TNPO1: variants seen among roughly 807,000 people sequenced by gnomAD.
The protein encoded by TNPO1 is transportin-1.
In TNPO1, 8 loss-of-function variants were observed where a neutral mutation model predicts 119.5. That is an observed-to-expected ratio of 0.07 (90% CI 0.04 to 0.12). The LOEUF (loss-of-function observed/expected upper bound fraction) is 0.12, where lower values mean the gene tolerates loss of function less well. TNPO1 is among the 10% of genes least tolerant of loss of function. The pLI is 1.00. For missense variants in TNPO1, 576 were observed against 1,089.8 expected (o/e 0.53, Z 6.64); for synonymous variants, 362 against 363.0 (o/e 1.00, Z 0.03).
chr5:72,907,766 G>C (rs1425246677), intron 24 of TNPO1, among the ~76,000 whole-genome samples: 1 of 152,124 alleles, frequency 6.6e-6, no homozygotes, highest in Admixed American at 6.6e-5. Context: ...AGTGTAGGCA[G>C]GGTGTGATGG....
At chr5:72,903,573 G>A (rs559520384) in intron 22 of TNPO1, 136 bp from the exon 23 acceptor site, 40 of 612,686 alleles carry the variant, frequency 6.5e-5, no homozygotes, top group Non-Finnish European at 1.0e-4. Context: ...AATTCCTTAT[G>A]ATCATAGTTA....
At chr5:72,860,388 A>G (rs1325030926) in intron 4 of TNPO1, among the ~76,000 whole-genome samples, 2 of 152,266 alleles carry the variant, frequency 1.3e-5, no homozygotes, top group Admixed American at 6.5e-5. Context: ...ATCACTAAGC[A>G]TATTATATCA....
At chr5:72,817,152 C>T (rs1351190317) in intron 1 of TNPO1, among the ~76,000 whole-genome samples, 2 of 152,220 alleles carry the variant, frequency 1.3e-5, no homozygotes, top group Non-Finnish European at 2.9e-5. Context: ...TGGTTCTGGG[C>T]GCTGGCCGGC....
At chr5:72,865,877 T>C (rs1746851336) in intron 6 of TNPO1, 148 bp downstream of exon 6, 1 of 863,938 alleles carries the variant, frequency 1.2e-6, no homozygotes, top group Non-Finnish European at 1.7e-6. Context: ...TGAAATTGAC[T>C]ACTTCAGTAA....
intron 5 of TNPO1, among the ~76,000 whole-genome samples, chr5:72,863,776 T>C (rs1746665296): frequency 6.7e-6 from 1 of 149,372 alleles, no homozygotes; most frequent in Admixed American, 6.7e-5. Context: ...AATACACTGA[T>C]AAGATTACAG....
chr5:72,907,626 C>T (rs1443815900), intron 24 of TNPO1, among the ~76,000 whole-genome samples: 3 of 152,134 alleles, frequency 2.0e-5, no homozygotes, highest in Non-Finnish European at 4.4e-5. Flanking sequence ...TCTTAATATC[C>T]TTTTTATCAT....
chr5:72,852,162 TAA>T (rs947425868), intron 3 of TNPO1, among the ~76,000 whole-genome samples: 37 of 152,226 alleles, frequency 2.4e-4, no homozygotes, highest in African/African-American at 8.7e-4. Flanking sequence ...AAAAAACTTC[TAA>T]AAGTCTACAT....
At chr5:72,890,011 T>G in intron 14 of TNPO1, 54 bp downstream of exon 14, 2 of 1,563,284 alleles carry the variant, frequency 1.3e-6, no homozygotes, top group Non-Finnish European at 1.7e-6. Flanking sequence ...TAGTTACAAT[T>G]AATAGATTAG....
chr5:72,896,472 A>G lies in TNPO1; in HGVS notation c.2158A>G (p.Ile720Val), dbSNP rs1359417630. The G allele has an allele frequency of 2.5e-6, 4 of 1,612,110 alleles. No individual in the cohort carries two copies. The highest frequency in any genetic ancestry group is 2.2e-5 in the East Asian group (1 of 44,826). ...TTTTTTTCTAGCTGATTTCATGCCA[A>G]TATTGGGAACCAACCTAAATCCAGA... ...VKPCIADFMP[I>V]LGTNLNPEFI... Residue 720 changes from isoleucine (I) to valine (V), a missense_variant, in exon 19 of 25, where the codon ATA becomes GTA. Ile to Val is a conservative substitution (Grantham distance 29, BLOSUM62 3). Around this residue, in one of 6 missense-constraint regions of TNPO1, gnomAD observed 162 missense variants for 294.1 expected, o/e 0.55. Transcript: ENST00000337273.
intron 9 of TNPO1, chr5:72,878,724 A>G (rs1338646928): frequency 1.3e-5 from 3 of 238,354 alleles, no homozygotes; most frequent in Non-Finnish European, 2.5e-5. Flanking sequence ...TTACTTTGTA[A>G]TGCCACTTTA....
At chr5:72,877,125 G>C (rs1747854134) in intron 8 of TNPO1, 103 bp from the exon 9 acceptor site, 1 of 546,736 alleles carries the variant, frequency 1.8e-6, no homozygotes, top group African/African-American at 2.0e-5. Context: ...AAATTGCCTA[G>C]GTTGAAAACC....
At chr5:72,881,255 C>T (rs1456175317) in intron 9 of TNPO1, among the ~76,000 whole-genome samples, 3 of 152,134 alleles carry the variant, frequency 2.0e-5, no homozygotes, top group African/African-American at 2.4e-5. Flanking sequence ...GGACTACAGG[C>T]GTGTGCCACC....
At chr5:72,861,402 G>T (rs1746437537) in intron 4 of TNPO1, among the ~76,000 whole-genome samples, 1 of 152,108 alleles carries the variant, frequency 6.6e-6, no homozygotes. Context: ...GGGTGTTGGT[G>T]GTGAGTGTTA....
Position 72,865,592 on chromosome 5 carries a change from A to G in TNPO1, c.463-4A>G. On this transcript the variant is annotated splice_region_variant and splice_polypyrimidine_tract_variant and intron_variant, in intron 5 of 24. Transcript: ENST00000337273. Reference sequence around the variant, plus strand: ...TTCTGATAATTTAAATGTGTCTCTTACAGGGAGCATTTGGTGCCCTTCAGA... The same window carrying G: ...TTCTGATAATTTAAATGTGTCTCTTGCAGGGAGCATTTGGTGCCCTTCAGA... The G allele has an allele frequency of 6.2e-7, 1 of 1,611,462 alleles. No individual in the cohort carries two copies. The highest frequency in any genetic ancestry group is 1.1e-5 in the South Asian group (1 of 90,674).
At position 72,909,237 on chromosome 5, in the gene TNPO1, T is replaced by C. The variant is rs1313505297; in HGVS notation, c.*564T>C. ...AAAACTAATATAGTTAAAAGTCAGC[T>C]TGCCTTCCCGTAGTAGAAGCAGGTT... On this transcript the variant is annotated 3_prime_UTR_variant, in exon 25 of 25. Transcript: ENST00000337273. 2.0e-5 allele frequency: 3 copies of C among 152,342 alleles called. No homozygotes were observed. Among genetic ancestry groups the C allele is most frequent in the African/African-American group, 4.8e-5 (2 of 41,386 alleles). The allele number at this position is 152,342 out of a possible 1,614,324, so 9.4% of individuals were successfully genotyped here. A position where few individuals can be genotyped will look rare whatever the true frequency, so the allele number is the denominator to read the frequency against.
chr5:72,865,500 A>G, intron 5 of TNPO1, 96 bp from the exon 6 acceptor site: 1 of 1,347,488 alleles, frequency 7.4e-7, no homozygotes, highest in Non-Finnish European at 1.0e-6. Context: ...GTGGGCTGAG[A>G]ACATTAGTCC....
intron 1 of TNPO1, among the ~76,000 whole-genome samples, chr5:72,833,505 T>A (rs901439175): frequency 1.6e-4 from 25 of 152,194 alleles, no homozygotes; most frequent in Non-Finnish European, 4.4e-5. Flanking sequence ...TGATTGCCAT[T>A]CTCTAATTAC....
rs541108272 is a variant in TNPO1 at position 72,826,449 on chromosome 5, A to C, written c.15+9697A>C. On this transcript the variant is annotated intron_variant, in intron 1 of 24. Transcript: ENST00000337273. ...CTGTCCCTTTTCAAAAAAAGTTTAC[A>C]CTATGTATTTTATTCTGTTTATTGT... Among the ~76,000 whole-genome samples the C allele has an allele frequency of 1.9e-3, 294 of 152,306 alleles. 2 individuals carry two copies. Among genetic ancestry groups the C allele is most frequent in the African/African-American group, 6.9e-3 (285 of 41,572 alleles).
chr5:72,817,365 T>G (rs1286240609), intron 1 of TNPO1, among the ~76,000 whole-genome samples: 1 of 152,180 alleles, frequency 6.6e-6, no homozygotes, highest in African/African-American at 2.4e-5. Flanking sequence ...CTTGTGGGTT[T>G]TGCCCTTCTA....
Sources: allele counts gnomAD v4.1 joint callset (sites outside exome capture counted in the v4.1 genomes callset), GRCh38; gene constraint gnomAD v4.1.1; regional missense constraint gnomAD v4.1.1; transcripts MANE v1.5; gene names NCBI Gene and HGNC (gene_info 2026-07-23, HGNC 2026-07-21).